The following ZNF804B variants were observed in gnomAD, a reference collection of about 807,000 sequenced individuals.
ZNF804B encodes zinc finger protein 804B, also known as zinc finger 804B.
Under a neutral mutation model 101.4 loss-of-function variants are expected in ZNF804B, and 80 were observed. The ratio of observed to expected loss-of-function variants is 0.79; its 90% CI spans 0.66 to 0.95. The LOEUF is 0.95. Among genes scored for constraint, ZNF804B ranks in the 40% least tolerant of loss-of-function variants. ZNF804B has a pLI of 0.00. For missense variants in ZNF804B, 1,673 were observed against 1,561.9 expected (o/e 1.07, Z -1.20); for synonymous variants, 622 against 558.8 (o/e 1.11, Z -1.59).
chr7:89,103,122 A>G (rs1280445208), intron 1 of ZNF804B, among the ~76,000 whole-genome samples: 1 of 118,762 alleles, frequency 8.4e-6, no homozygotes, highest in Non-Finnish European at 1.6e-5. Context: ...AACTTGTAGT[A>G]TAATTTGAAA....
At chr7:88,795,295 T>A (rs1244113929) in intron 1 of ZNF804B, among the ~76,000 whole-genome samples, 5 of 152,084 alleles carry the variant, frequency 3.3e-5, no homozygotes, top group African/African-American at 1.2e-4. Flanking sequence ...TTTTTAAAAA[T>A]GGTATTTTAT....
intron 2 of ZNF804B, among the ~76,000 whole-genome samples, chr7:89,266,090 A>G (rs73399161): frequency 0.016 from 2,386 of 152,212 alleles, 60 homozygotes; most frequent in African/African-American, 0.054. Context: ...AGGTTTGCAA[A>G]TAGATTTTTA....
chr7:88,970,803 C>T (rs1479263892), intron 1 of ZNF804B, among the ~76,000 whole-genome samples: 6 of 122,996 alleles, frequency 4.9e-5, no homozygotes, highest in Non-Finnish European at 8.0e-5. Flanking sequence ...GAACATCATA[C>T]ACCGGGGACT....
chr7:88,874,991 G>C (rs7799528), intron 1 of ZNF804B, among the ~76,000 whole-genome samples: 114,534 of 120,720 alleles, frequency 0.95, 54,476 homozygotes, highest in East Asian at 1. Context: ...AACTAGAACT[G>C]AGGATTAAGA....
intron 1 of ZNF804B, among the ~76,000 whole-genome samples, chr7:89,126,463 G>A (rs1048144055): frequency 6.6e-6 from 1 of 151,998 alleles, no homozygotes; most frequent in African/African-American, 2.4e-5. Flanking sequence ...ACATTGTGGA[G>A]TCTCTGCTTT....
At chr7:89,024,922 A>G (rs1021309454) in intron 1 of ZNF804B, among the ~76,000 whole-genome samples, 2 of 152,130 alleles carry the variant, frequency 1.3e-5, no homozygotes, top group Middle Eastern at 3.4e-3. Context: ...AAAATGGTCC[A>G]CATTTTTGTC....
At chr7:89,036,368 T>C (rs1229515376) in intron 1 of ZNF804B, among the ~76,000 whole-genome samples, 6 of 151,890 alleles carry the variant, frequency 4.0e-5, no homozygotes, top group African/African-American at 1.4e-4. Flanking sequence ...AAATGCTTAA[T>C]ATTAATGAAT....
At chr7:88,953,223 A>G (rs531089157) in intron 1 of ZNF804B, among the ~76,000 whole-genome samples, 27 of 151,738 alleles carry the variant, frequency 1.8e-4, no homozygotes, top group Admixed American at 3.3e-4. Flanking sequence ...AGTTTGCTCA[A>G]TCAGATACAG....
chr7:89,058,394 T>G (rs1291214672), intron 1 of ZNF804B, among the ~76,000 whole-genome samples: 2 of 119,536 alleles, frequency 1.7e-5, no homozygotes, highest in Non-Finnish European at 4.0e-5. Flanking sequence ...ATAACATAAT[T>G]TTATATTGAT....
At chr7:89,166,225 G>T (rs956106670) in intron 1 of ZNF804B, among the ~76,000 whole-genome samples, 1 of 152,050 alleles carries the variant, frequency 6.6e-6, no homozygotes, top group Non-Finnish European at 1.5e-5. Context: ...AGAAAATATA[G>T]AACTTAATCA....
At chr7:89,037,279 A>G (rs1391056638) in intron 1 of ZNF804B, among the ~76,000 whole-genome samples, 1 of 152,130 alleles carries the variant, frequency 6.6e-6, no homozygotes, top group Non-Finnish European at 1.5e-5. Flanking sequence ...GACCACCAAC[A>G]TGCTTAAGAA....
chr7:89,059,741 T>A (rs1244646223), intron 1 of ZNF804B, among the ~76,000 whole-genome samples: 2 of 152,156 alleles, frequency 1.3e-5, no homozygotes, highest in African/African-American at 4.8e-5. Context: ...TTGTGGGACT[T>A]AATTTTGGAT....
chr7:89,265,609 A>T (rs1789780671), intron 2 of ZNF804B, among the ~76,000 whole-genome samples: 1 of 152,258 alleles, frequency 6.6e-6, no homozygotes, highest in Admixed American at 6.5e-5. Flanking sequence ...GGAACTTTAC[A>T]AATTCCATTT....
At chr7:88,803,421 G>A (rs1790638626) in intron 1 of ZNF804B, among the ~76,000 whole-genome samples, 1 of 152,148 alleles carries the variant, frequency 6.6e-6, no homozygotes, top group Non-Finnish European at 1.5e-5. Flanking sequence ...TTTTAGTCCA[G>A]ACACCTTGCA....
chr7:89,027,402 TAAAAC>T (rs962469121), intron 1 of ZNF804B, among the ~76,000 whole-genome samples: 1 of 152,118 alleles, frequency 6.6e-6, no homozygotes, highest in South Asian at 2.1e-4. Flanking sequence ...TCCATTGTAA[TAAAAC>T]AAAACAAAAC....
At chr7:89,209,132 A>G (rs935153377) in intron 1 of ZNF804B, among the ~76,000 whole-genome samples, 9 of 152,210 alleles carry the variant, frequency 5.9e-5, no homozygotes, top group African/African-American at 2.2e-4. Context: ...CTTCATGTAC[A>G]GAAATGTAGT....
chr7:89,331,092 G>T (rs968097477), intron 3 of ZNF804B, among the ~76,000 whole-genome samples: 2 of 151,588 alleles, frequency 1.3e-5, no homozygotes, highest in African/African-American at 4.8e-5. Context: ...CCATACACTA[G>T]ACTTGTGGAA....
intron 1 of ZNF804B, among the ~76,000 whole-genome samples, chr7:89,121,468 TACAA>T (rs1419085763): frequency 2.6e-5 from 4 of 152,092 alleles, no homozygotes; most frequent in African/African-American, 4.8e-5. Flanking sequence ...ATAAAAATAA[TACAA>T]ACAGTTAAAA....
chr7:89,097,214 T>C (rs537783388), intron 1 of ZNF804B, among the ~76,000 whole-genome samples: 8 of 152,366 alleles, frequency 5.3e-5, no homozygotes, highest in South Asian at 2.1e-4. Flanking sequence ...CTGTTGTGAC[T>C]ACTTCAGAAT....
Sources: allele counts gnomAD v4.1 joint callset (sites outside exome capture counted in the v4.1 genomes callset), GRCh38; gene constraint gnomAD v4.1.1; transcripts MANE v1.5; gene names NCBI Gene and HGNC (gene_info 2026-07-23, HGNC 2026-07-21).